Variants in EPHB2 observed in about 807,000 individuals in gnomAD.
EPHB2 encodes the protein EPH receptor B2, also known as ephrin type-B receptor 2.
Under a neutral mutation model 96.4 loss-of-function variants are expected in EPHB2, and 18 were observed. That is an observed-to-expected ratio of 0.19 (90% CI 0.13 to 0.28). The LOEUF is 0.28. Among genes scored for constraint, EPHB2 ranks in the 10% least tolerant of loss-of-function variants. The probability of loss-of-function intolerance (pLI) is 1.00; values close to 1 mark genes in which losing one functional copy is unlikely to be tolerated. For synonymous variants in EPHB2, 506 were observed against 534.1 expected (o/e 0.95, Z 0.72); for missense variants, 989 against 1,355.4 (o/e 0.73, Z 4.25).
intron 3 of EPHB2, among the ~76,000 whole-genome samples, chr1:22,839,397 C>A (rs1645432828): frequency 6.6e-6 from 1 of 152,222 alleles, no homozygotes; most frequent in Non-Finnish European, 1.5e-5. Flanking sequence ...CTCCTGAAAG[C>A]AACTCTTATG....
At chr1:22,759,246 G>A in intron 1 of EPHB2, among the ~76,000 whole-genome samples, 1 of 152,080 alleles carries the variant, frequency 6.6e-6, no homozygotes, top group East Asian at 1.9e-4. Context: ...AAAACCCTTG[G>A]CCTCACTGAA....
intron 1 of EPHB2, among the ~76,000 whole-genome samples, chr1:22,735,918 A>AG (rs1643816981): frequency 6.6e-6 from 1 of 152,190 alleles, no homozygotes; most frequent in Non-Finnish European, 1.5e-5. Flanking sequence ...GAGCAGCCTA[A>AG]GGTATCTTGT....
intron 1 of EPHB2, among the ~76,000 whole-genome samples, chr1:22,765,231 T>C (rs1051266843): frequency 9.2e-5 from 14 of 152,024 alleles, no homozygotes; most frequent in Admixed American, 3.3e-4. Context: ...GCAAAGCCTT[T>C]AGGGAGCACC....
chr1:22,865,823 A>G (rs1638454394), intron 5 of EPHB2, among the ~76,000 whole-genome samples: 1 of 152,156 alleles, frequency 6.6e-6, no homozygotes, highest in African/African-American at 2.4e-5. Context: ...CTCCATCACA[A>G]GTGCTTTCTG....
intron 3 of EPHB2, among the ~76,000 whole-genome samples, chr1:22,793,927 A>G (rs1328117707): frequency 6.8e-6 from 1 of 146,878 alleles, no homozygotes; most frequent in Non-Finnish European, 1.5e-5. Context: ...GAAGAGATTA[A>G]TAAGTTGTCC....
intron 1 of EPHB2, among the ~76,000 whole-genome samples, chr1:22,735,465 A>C (rs2043970): frequency 0.086 from 12,999 of 151,522 alleles, 864 homozygotes; most frequent in East Asian, 0.28. Context: ...GAAGAAGAAG[A>C]AGCAGAAGTA....
At chr1:22,774,386 A>G (rs1644419217) in intron 1 of EPHB2, among the ~76,000 whole-genome samples, 1 of 152,126 alleles carries the variant, frequency 6.6e-6, no homozygotes, top group African/African-American at 2.4e-5. Context: ...TTGAATGACC[A>G]TGACTTTGTT....
intron 6 of EPHB2, among the ~76,000 whole-genome samples, chr1:22,885,420 G>A (rs1292294009): frequency 2.6e-5 from 4 of 152,208 alleles, no homozygotes; most frequent in Admixed American, 1.3e-4. Flanking sequence ...GCCGCTGCCC[G>A]AGCATCCCCA....
intron 3 of EPHB2, among the ~76,000 whole-genome samples, chr1:22,859,294 TGG>T (rs1491164855): frequency 2.7e-4 from 3 of 11,166 alleles, no homozygotes; most frequent in African/African-American, 1.6e-3. Context: ...GGGGTGGGCC[TGG>T]TGGGGGGGGG....
At chr1:22,768,905 G>C (rs1191881934) in intron 1 of EPHB2, among the ~76,000 whole-genome samples, 3 of 152,062 alleles carry the variant, frequency 2.0e-5, no homozygotes, top group Non-Finnish European at 4.4e-5. Flanking sequence ...TACTCAATTT[G>C]GGGTTCAAGC....
chr1:22,754,547 A>AGGG (rs1570216264), intron 1 of EPHB2, among the ~76,000 whole-genome samples: 1 of 151,430 alleles, frequency 6.6e-6, no homozygotes, highest in East Asian at 2.0e-4. Flanking sequence ...GGGCCCAGGG[A>AGGG]GGGAGGAAAA....
intron 1 of EPHB2, among the ~76,000 whole-genome samples, chr1:22,741,024 T>A (rs921115474): frequency 3.9e-5 from 6 of 151,942 alleles, no homozygotes; most frequent in African/African-American, 1.5e-4. Context: ...TTATGTGCCC[T>A]GCTCCCCTCT....
rs376770317 is a variant in EPHB2 at position 22,754,027 on chromosome 1, G to A, written c.62-27394G>A. Reference sequence around the variant, plus strand: ...ACACAGGCCCAAGACACTTAGATTCGTGATCCCCTGGGGTTCCAGGCCGCT... The same window carrying A: ...ACACAGGCCCAAGACACTTAGATTCATGATCCCCTGGGGTTCCAGGCCGCT... On this transcript the variant is annotated intron_variant, in intron 1 of 15. Transcript: ENST00000374630. Among the ~76,000 whole-genome samples, 8 of 152,244 alleles carry A rather than the reference G, an allele frequency of 5.3e-5. 1 individual carries two copies. The highest frequency in any genetic ancestry group is 1.9e-4 in the African/African-American group (8 of 41,544).
At chr1:22,716,435 C>G (rs182365013) in intron 1 of EPHB2, among the ~76,000 whole-genome samples, 118 of 152,192 alleles carry the variant, frequency 7.8e-4, no homozygotes, top group Admixed American at 2.4e-3. Context: ...GGGTTCAAGC[C>G]ATCTTCCCAC....
intron 1 of EPHB2, among the ~76,000 whole-genome samples, chr1:22,725,230 T>C (rs1467164451): frequency 6.6e-6 from 1 of 152,046 alleles, no homozygotes; most frequent in African/African-American, 2.4e-5. Context: ...TATTGATGGT[T>C]AGATGGATAA....
chr1:22,742,104 C>T (rs527776477), intron 1 of EPHB2, among the ~76,000 whole-genome samples: 1 of 152,276 alleles, frequency 6.6e-6, no homozygotes, highest in South Asian at 2.1e-4. Flanking sequence ...TCCAAGCCAG[C>T]ATCCGACCCA....
At chr1:22,788,094 T>C (rs1644637475) in intron 3 of EPHB2, among the ~76,000 whole-genome samples, 1 of 152,194 alleles carries the variant, frequency 6.6e-6, no homozygotes, top group Admixed American at 6.5e-5. Context: ...ATTCTCTGCA[T>C]TAAAAGCAAG....
intron 1 of EPHB2, among the ~76,000 whole-genome samples, chr1:22,712,586 G>T (rs1643183070): frequency 6.6e-6 from 1 of 152,188 alleles, no homozygotes; most frequent in African/African-American, 2.4e-5. Context: ...AGGGGGTGGG[G>T]GGTGTCCCTG....
intron 1 of EPHB2, among the ~76,000 whole-genome samples, chr1:22,734,700 G>A (rs913473601): frequency 4.6e-5 from 7 of 152,128 alleles, no homozygotes; most frequent in Non-Finnish European, 7.4e-5. Context: ...GGATTTACAG[G>A]CATGAGCTAC....
Sources: gnomAD v4.1 joint callset for allele counts (sites outside exome capture counted in the v4.1 genomes callset) on GRCh38, gnomAD v4.1.1 for gene constraint, MANE v1.5 for transcripts, NCBI Gene and HGNC (gene_info 2026-07-23, HGNC 2026-07-21) for gene names.